The following HOXA3 variants were observed in gnomAD, a reference collection of about 807,000 sequenced individuals.
HOXA3 encodes homeobox protein Hox-A3.
Under a neutral mutation model 30.3 loss-of-function variants are expected in HOXA3, and 8 were observed. That is an observed-to-expected ratio of 0.26 (90% CI 0.15 to 0.48). The LOEUF is 0.48. HOXA3 is among the 20% of genes least tolerant of loss of function. HOXA3 has a pLI of 0.99. For missense variants in HOXA3, 653 were observed against 614.4 expected (o/e 1.06, Z -0.66); for synonymous variants, 323 against 273.1 (o/e 1.18, Z -1.80).
At chr7:27,133,926 T>A (rs1785639421) in intron 2 of HOXA3, among the ~76,000 whole-genome samples, 1 of 152,226 alleles carries the variant, frequency 6.6e-6, no homozygotes, top group African/African-American at 2.4e-5. Flanking sequence ...CACCTCGGCC[T>A]TGGACTTTGC....
chr7:27,137,407 A>C (rs1389235723), intron 2 of HOXA3, among the ~76,000 whole-genome samples: 1 of 152,232 alleles, frequency 6.6e-6, no homozygotes, highest in African/African-American at 2.4e-5. Context: ...GAGCCCCCGC[A>C]CATTGCCGCT....
chr7:27,118,612 T>G (rs1784854182), intron 4 of HOXA3, among the ~76,000 whole-genome samples: 1 of 152,324 alleles, frequency 6.6e-6, no homozygotes, highest in Middle Eastern at 3.4e-3. Flanking sequence ...TTATCTCCAC[T>G]TATATTTCTT....
chr7:27,140,249 T>G (rs1218107783), intron 1 of HOXA3, 63 bp from the exon 2 acceptor site: 1 of 152,146 alleles, frequency 6.6e-6, no homozygotes, highest in African/African-American at 2.4e-5. Flanking sequence ...TATATAATGT[T>G]GGATGTCAAC....
At position 27,130,148 on chromosome 7, in the gene HOXA3, G is replaced by A. The variant is rs748303950; in HGVS notation, c.-389-3078C>T. On this transcript the variant is annotated intron_variant, in intron 2 of 5. Transcript: ENST00000612286. ...CTGACATGGATCTTCTTCATCCAGGGGTACACCACGGGCTCCTTGCCCTTC... is the reference window on the plus strand; with the variant it reads ...CTGACATGGATCTTCTTCATCCAGGAGTACACCACGGGCTCCTTGCCCTTC... The A allele has an allele frequency of 1.9e-6, 3 of 1,603,646 alleles. No individual in the cohort carries two copies. In the East Asian group the frequency reaches 6.7e-5, roughly 36 times the overall value.
At chr7:27,149,477 C>T (rs1042506600) in intron 1 of HOXA3, among the ~76,000 whole-genome samples, 11 of 152,136 alleles carry the variant, frequency 7.2e-5, no homozygotes, top group Non-Finnish European at 1.3e-4. Context: ...TTCCTGAACT[C>T]TCCTCCCACA....
In HOXA3 at chr7:27,126,942, T is replaced by C. The variant is rs949778381; in HGVS notation, c.-261A>G. 5.0e-5 allele frequency: 6 copies of C among 119,238 alleles called. No homozygotes were observed. The highest frequency in any genetic ancestry group is 3.1e-4 in the Admixed American group (3 of 9,554). 7.4% of individuals were successfully genotyped at this position (119,238 alleles called of 1,614,324 possible). On this transcript the variant is annotated 5_prime_UTR_variant, in exon 3 of 6. Transcript: ENST00000612286. The stretch of plus-strand genomic sequence containing the variant: ...TTGCAGCTTGACACTCAATTTCCAC[T>C]GAGAGTCTAGGCATTTTTTTTTTTT...
At chr7:27,147,351 C>A (rs764874830) in intron 1 of HOXA3, 2 of 1,614,170 alleles carry the variant, frequency 1.2e-6, no homozygotes, top group Admixed American at 3.3e-5. Flanking sequence ...AAACCGGGCT[C>A]GTGTACTTCC....
chr7:27,144,561 C>A (rs1489309969), intron 1 of HOXA3, among the ~76,000 whole-genome samples: 2 of 152,160 alleles, frequency 1.3e-5, no homozygotes, highest in East Asian at 3.9e-4. Flanking sequence ...GCCAGCCGGG[C>A]CCCAAGTCGG....
chr7:27,141,768 A>G (rs1782575676), intron 1 of HOXA3: 2 of 1,549,388 alleles, frequency 1.3e-6, no homozygotes, highest in South Asian at 1.2e-5. Context: ...AGTTTCAGAA[A>G]GTCACCTTAG....
rs200385351 is a variant in HOXA3 at position 27,143,013 on chromosome 7, G to C, written c.-493-2827C>G. The C allele has an allele frequency of 1.0e-4, 151 of 1,490,580 alleles. 1 individual carries two copies. In the East Asian group the frequency reaches 3.6e-3, roughly 35 times the overall value. 92.3% of individuals were successfully genotyped at this position (1,490,580 alleles called of 1,614,324 possible). On this transcript the variant is annotated intron_variant, in intron 1 of 5. Transcript: ENST00000612286. The stretch of plus-strand genomic sequence containing the variant: ...GGGGGACCGAGAGCCGCGTCCCCGC[G>C]GTCGCGTGGATTTAGAAAAAGGCTG...
intron 2 of HOXA3, chr7:27,129,613 G>A: frequency 6.2e-7 from 1 of 1,602,364 alleles, no homozygotes; most frequent in Non-Finnish European, 8.5e-7. Flanking sequence ...AAGGAGGAGG[G>A]AGCGGAAGAG....
intron 2 of HOXA3, 134 bp from the exon 3 acceptor site, chr7:27,127,204 G>A (rs1583393052): frequency 6.6e-6 from 1 of 152,310 alleles, no homozygotes; most frequent in East Asian, 1.9e-4. Flanking sequence ...TTCAGCAGCA[G>A]TTGCATTGCC....
chr7:27,140,939 C>G (rs190668248), intron 1 of HOXA3: 2 of 152,254 alleles, frequency 1.3e-5, no homozygotes, highest in East Asian at 3.9e-4. Flanking sequence ...TATGAGGTCT[C>G]CCTGCACAGG....
At chr7:27,143,052 T>C in intron 1 of HOXA3, 1 of 1,525,394 alleles carries the variant, frequency 6.6e-7, no homozygotes, top group East Asian at 2.3e-5. Context: ...TTACCATGAC[T>C]TATGTGCAGC....
intron 2 of HOXA3, among the ~76,000 whole-genome samples, chr7:27,135,560 T>C (rs925353547): frequency 6.6e-6 from 1 of 152,194 alleles, no homozygotes; most frequent in Non-Finnish European, 1.5e-5. Flanking sequence ...AAAAGCATAT[T>C]CTGTGTTTGA....
chr7:27,146,109 A>G (rs934716604), intron 1 of HOXA3, among the ~76,000 whole-genome samples: 2 of 152,238 alleles, frequency 1.3e-5, no homozygotes, highest in African/African-American at 4.8e-5. Flanking sequence ...TTTTCCACCT[A>G]TAACGACTTG....
At chr7:27,147,625 T>C (rs757038196) in intron 1 of HOXA3, 5 of 1,614,146 alleles carry the variant, frequency 3.1e-6, no homozygotes, top group Non-Finnish European at 4.2e-6. Flanking sequence ...CGACGCCCCG[T>C]ACGAGGCCGG....
chr7:27,114,721 G>C (rs1372687208), intron 4 of HOXA3, among the ~76,000 whole-genome samples: 1 of 94,204 alleles, frequency 1.1e-5, no homozygotes, highest in African/African-American at 3.6e-5. Flanking sequence ...AGAAAGCTCT[G>C]ACCCCAAGAG....
intron 1 of HOXA3, chr7:27,147,471 A>G: frequency 1.9e-6 from 3 of 1,613,982 alleles, no homozygotes; most frequent in Non-Finnish European, 2.5e-6. Context: ...TCTGCTTGCC[A>G]CTGCCCGAGG....
Sources: gnomAD v4.1 joint callset for allele counts (sites outside exome capture counted in the v4.1 genomes callset) on GRCh38, gnomAD v4.1.1 for gene constraint, MANE v1.5 for transcripts, NCBI Gene and HGNC (gene_info 2026-07-23, HGNC 2026-07-21) for gene names.